MS4A18: variants seen among roughly 807,000 people sequenced by gnomAD.
MS4A18 encodes the protein membrane spanning 4-domains A18.
MS4A18 carries 27 observed loss-of-function variants against 13.1 expected under a neutral mutation model. The ratio of observed to expected loss-of-function variants is 2.06; its 90% CI spans 1.52 to 2.84. MS4A18 has a LOEUF of 2.84. MS4A18 is among the 30% of genes most tolerant of loss of function. MS4A18 has a pLI of 0.00. For missense variants in MS4A18, 307 were observed against 196.4 expected (o/e 1.56, Z -3.37); for synonymous variants, 126 against 76.5 (o/e 1.65, Z -3.38).
intron 2 of MS4A18, among the ~76,000 whole-genome samples, chr11:60,735,908 C>T (rs192037396): frequency 1.3e-4 from 20 of 151,926 alleles, no homozygotes; most frequent in African/African-American, 4.8e-4. Flanking sequence ...ATAATCCACC[C>T]ACCTCGGCCT....
intron 3 of MS4A18, among the ~76,000 whole-genome samples, chr11:60,737,278 T>C (rs939729931): frequency 1.3e-5 from 2 of 152,230 alleles, no homozygotes; most frequent in Non-Finnish European, 2.9e-5. Flanking sequence ...AGTGAGTACA[T>C]GGCAGAGCTG....
chr11:60,732,552 C>T (rs1426028355), intron 1 of MS4A18, among the ~76,000 whole-genome samples: 1 of 151,768 alleles, frequency 6.6e-6, no homozygotes, highest in Admixed American at 6.6e-5. Flanking sequence ...ACATGGTAAA[C>T]CCCATCTCTA....
At chr11:60,744,251 C>T (rs1853454483), downstream of MS4A18, 2 of 440,496 alleles carry the variant, frequency 4.5e-6, no homozygotes, top group East Asian at 4.5e-5. Context: ...GTTCAGGGTG[C>T]ATTTTGGTTC....
chr11:60,743,648 A>G lies in MS4A18; in HGVS notation c.859-2A>G. ...GACGACCACATGTCCTTTGTCTTTC[A>G]GAATGTGGCAGTGATTCCAACCGTA... On this transcript the variant is annotated splice_acceptor_variant, in intron 5 of 5. Coordinates refer to ENST00000529108, the Ensembl canonical transcript of MS4A18. LOFTEE classifies it high-confidence loss of function. The G allele has an allele frequency of 1.4e-6, 1 of 702,080 alleles. No homozygotes were observed. The highest frequency in any genetic ancestry group is 2.6e-6 in the Non-Finnish European group (1 of 384,356). 43.5% of individuals were successfully genotyped at this position (702,080 alleles called of 1,614,324 possible).
At chr11:60,733,409 G>A in intron 1 of MS4A18, 125 bp from the exon 3 acceptor site, 1 of 654,374 alleles carries the variant, frequency 1.5e-6, no homozygotes, top group Non-Finnish European at 2.8e-6. Flanking sequence ...CATTTGGTCT[G>A]GGATGAGCCC....
chr11:60,729,254 T>G, upstream of MS4A18: 1 of 662,828 alleles, frequency 1.5e-6, no homozygotes, highest in Non-Finnish European at 2.8e-6. Flanking sequence ...ATAAGATGCA[T>G]TATTCATTTT....
chr11:60,738,971 A>G (rs867078386), exon 4 of MS4A18: 2 of 703,186 alleles, frequency 2.8e-6, no homozygotes, highest in Non-Finnish European at 5.2e-6. Context: ...CATTATCATT[A>G]CAGATCTGAG....
chr11:60,729,224 A>G (rs1047324796), upstream of MS4A18: 29 of 627,420 alleles, frequency 4.6e-5, no homozygotes, highest in African/African-American at 3.3e-4. Context: ...AATGAAGATG[A>G]AACTAAAGAT....
upstream of MS4A18, among the ~76,000 whole-genome samples, chr11:60,726,945 C>A (rs1853170429): frequency 1.3e-5 from 2 of 151,792 alleles, no homozygotes; most frequent in African/African-American, 4.8e-5. Context: ...AACCCTCCGA[C>A]AGGCCCCAGT....
intron 4 of MS4A18, among the ~76,000 whole-genome samples, chr11:60,739,240 A>AT (rs1489910856): frequency 3.9e-5 from 6 of 152,070 alleles, no homozygotes; most frequent in Non-Finnish European, 8.8e-5. Context: ...CCTCGTACCT[A>AT]TCCTTTTCTC....
At chr11:60,743,872 G>A (rs1853445407) in exon 6 of MS4A18, 1 of 702,744 alleles carries the variant, frequency 1.4e-6, no homozygotes, top group Admixed American at 2.0e-5. Flanking sequence ...TGCTAACATT[G>A]GCCCTGTCAA....
At chr11:60,732,462 G>T (rs1464606017) in intron 1 of MS4A18, among the ~76,000 whole-genome samples, 1 of 152,004 alleles carries the variant, frequency 6.6e-6, no homozygotes, top group Non-Finnish European at 1.5e-5. Context: ...TGGCGTGGTG[G>T]CTCACCCCTG....
intron 3 of MS4A18, among the ~76,000 whole-genome samples, chr11:60,738,472 T>C (rs548969073): frequency 1.3e-5 from 2 of 152,312 alleles, no homozygotes; most frequent in African/African-American, 4.8e-5. Context: ...TCTCATTGCC[T>C]ACTCTCTGCT....
At chr11:60,725,827 C>T (rs1438630278), upstream of MS4A18, among the ~76,000 whole-genome samples, 1 of 152,094 alleles carries the variant, frequency 6.6e-6, no homozygotes, top group Admixed American at 6.6e-5. Flanking sequence ...GAGAAATGGT[C>T]ATAACAATAA....
At chr11:60,728,371 A>T (rs1245381897), upstream of MS4A18, among the ~76,000 whole-genome samples, 1 of 151,960 alleles carries the variant, frequency 6.6e-6, no homozygotes, top group Non-Finnish European at 1.5e-5. Context: ...GACATCAAAG[A>T]CCAAGGTAGT....
rs113311888 is a variant in MS4A18, at chr11:60,741,410, G to T, written c.858+267G>T. Among the ~76,000 whole-genome samples the T allele has an allele frequency of 6.6e-3, 1,007 of 152,242 alleles. 8 individuals carry two copies. The highest frequency in any genetic ancestry group is 0.023 in the African/African-American group (964 of 41,538). On this transcript the variant is annotated intron_variant, in intron 5 of 5. Coordinates refer to ENST00000529108, the Ensembl canonical transcript of MS4A18. ...ACCCTTGTATCTTAGCTTGGGGATG[G>T]TTGGTCTCCAGGGACCTTCATGAAA... is the stretch of plus-strand genomic sequence containing the variant.
chr11:60,739,709 G>A (rs1298039042), intron 4 of MS4A18, among the ~76,000 whole-genome samples: 1 of 152,216 alleles, frequency 6.6e-6, no homozygotes, highest in Non-Finnish European at 1.5e-5. Context: ...AGTCTGCCAT[G>A]CTCATGGGCA....
chr11:60,744,296 C>T (rs118151804), downstream of MS4A18: 54 of 330,186 alleles, frequency 1.6e-4, no homozygotes, highest in East Asian at 3.4e-3. Flanking sequence ...GTTGAAAAAC[C>T]GGTTCTAAAT....
At chr11:60,739,544 C>A (rs901698602) in intron 4 of MS4A18, among the ~76,000 whole-genome samples, 13 of 152,192 alleles carry the variant, frequency 8.5e-5, no homozygotes, top group African/African-American at 2.9e-4. Context: ...CCGGCAAGGA[C>A]CCCTGGAGGT....
Sources: allele counts gnomAD v4.1 joint callset (sites outside exome capture counted in the v4.1 genomes callset), GRCh38; gene constraint gnomAD v4.1.1; transcripts MANE v1.5; gene names NCBI Gene and HGNC (gene_info 2026-07-23, HGNC 2026-07-21).